Variants in GC observed in about 807,000 individuals in gnomAD.
GC encodes vitamin D-binding protein.
In GC, 43 loss-of-function variants were observed where a neutral mutation model predicts 56.7. The ratio of observed to expected loss-of-function variants is 0.76; its 90% CI spans 0.59 to 0.98. The LOEUF (loss-of-function observed/expected upper bound fraction) is 0.98. GC is among the 50% of genes least tolerant of loss of function. The pLI, the probability that GC is intolerant of heterozygous loss-of-function variation, is 0.00. For synonymous variants in GC, 216 were observed against 202.7 expected (o/e 1.07, Z -0.56); for missense variants, 529 against 545.9 (o/e 0.97, Z 0.31).
At chr4:71,791,877 C>G (rs1315771933) in intron 1 of GC, among the ~76,000 whole-genome samples, 4 of 152,160 alleles carry the variant, frequency 2.6e-5, no homozygotes, top group African/African-American at 9.7e-5. Flanking sequence ...CAAGTGTTCT[C>G]ATTGTTCAAT....
At position 71,755,030 on chromosome 4, in the gene GC, C is replaced by CT; in HGVS notation, c.1111dup (p.Ser371LysfsTer4). On this transcript the variant is annotated frameshift_variant, in exon 9 of 13. Transcript: ENST00000273951. LOFTEE classifies it high-confidence loss of function. ...TTCAACATCACAGCATTCACCAAGG[C>CT]TTTTTAGGGTTGGCTCAAGTACCTT... is the stretch of plus-strand genomic sequence containing the variant. The CT allele has an allele frequency of 6.2e-7, 1 of 1,600,866 alleles. No individual in the cohort carries two copies.
chr4:71,779,026 A>G (rs947886608), intron 1 of GC, among the ~76,000 whole-genome samples: 1 of 151,440 alleles, frequency 6.6e-6, no homozygotes, highest in Non-Finnish European at 1.5e-5. Flanking sequence ...CACATCAGCT[A>G]TCTCCTGGGA....
chr4:71,747,142 T>C (rs1471950269), intron 11 of GC, among the ~76,000 whole-genome samples: 1 of 152,154 alleles, frequency 6.6e-6, no homozygotes, highest in East Asian at 1.9e-4. Context: ...GATGATAATA[T>C]TCATAAACTC....
Position 71,803,313 on chromosome 4 carries a change from G to A in GC, c.21+613C>T, listed in dbSNP as rs147102328. On this transcript the variant is annotated intron_variant, in intron 1 of 13. Coordinates refer to the GC transcript ENST00000504199. ...GTTGTTTTCTAGTAACAGAAAAATTGTTTTTATTCTTATTCTATTTCTAAT... is the reference window on the plus strand; with the variant it reads ...GTTGTTTTCTAGTAACAGAAAAATTATTTTTATTCTTATTCTATTTCTAAT... 3.7e-3 allele frequency among the ~76,000 whole-genome samples: 565 copies of A among 152,120 alleles called. 2 individuals carry two copies. The highest frequency in any genetic ancestry group is 0.013 in the African/African-American group (527 of 41,552).
At chr4:71,795,987 C>A (rs1393228560) in intron 1 of GC, among the ~76,000 whole-genome samples, 1 of 152,204 alleles carries the variant, frequency 6.6e-6, no homozygotes, top group Admixed American at 6.5e-5. Flanking sequence ...TATTGGCCCC[C>A]ACTCTTTTCT....
At position 71,760,055 on chromosome 4, in the gene GC, T is replaced by G. The variant is rs565277381; in HGVS notation, c.702-1884A>C. Reference sequence around the variant, plus strand: ...TAAAGAAACTAGTTTTTTTTTTTTTTTTTTTGAGACGGAGTCTCGCTCTGT... The same window carrying G: ...TAAAGAAACTAGTTTTTTTTTTTTTGTTTTTGAGACGGAGTCTCGCTCTGT... On this transcript the variant is annotated intron_variant, in intron 6 of 12. Transcript: ENST00000273951. 3.1e-3 allele frequency among the ~76,000 whole-genome samples: 466 copies of G among 150,824 alleles called. 17 individuals carry two copies. The East Asian group carries it at 0.086, about 28-fold the overall frequency.
At chr4:71,742,643 C>T (rs1741219541) in intron 12 of GC, among the ~76,000 whole-genome samples, 1 of 152,118 alleles carries the variant, frequency 6.6e-6, no homozygotes, top group Non-Finnish European at 1.5e-5. Flanking sequence ...GCTTCCAAAG[C>T]TAACAATAAA....
At chr4:71,744,887 T>G (rs969127631) in intron 12 of GC, among the ~76,000 whole-genome samples, 1 of 152,182 alleles carries the variant, frequency 6.6e-6, no homozygotes, top group Non-Finnish European at 1.5e-5. Context: ...CTCTAGAATA[T>G]TTACACTTCA....
intron 1 of GC, among the ~76,000 whole-genome samples, chr4:71,802,704 A>C (rs1743280238): frequency 6.6e-6 from 1 of 152,202 alleles, no homozygotes; most frequent in African/African-American, 2.4e-5. Context: ...TGTGCCATTA[A>C]GTCATTCTTT....
chr4:71,747,094 A>G (rs1339481571), intron 11 of GC, among the ~76,000 whole-genome samples: 1 of 152,202 alleles, frequency 6.6e-6, no homozygotes, highest in Non-Finnish European at 1.5e-5. Flanking sequence ...AGAAATAAAA[A>G]GAGTCACTAA....
In GC at chr4:71,769,591, C is replaced by T. The variant is rs41265649; in HGVS notation, c.59-191G>A. 309 of 533,496 alleles carry T rather than the reference C, an allele frequency of 5.8e-4. 1 individual carries two copies. Among genetic ancestry groups the T allele is most frequent in the Non-Finnish European group, 9.3e-4 (274 of 296,138 alleles). The allele number at this position is 533,496 out of a possible 1,614,324, so 33.0% of individuals were successfully genotyped here. On this transcript the variant is annotated intron_variant, in intron 1 of 12. Transcript: ENST00000273951. ...TAACAGGCCACAATTTTATGACATT[C>T]TGTTATATTTTAGTCACCAGCAGAA... is the stretch of plus-strand genomic sequence containing the variant.
At chr4:71,765,687 TC>T in intron 3 of GC, 44 bp from the exon 4 acceptor site, 1 of 1,233,876 alleles carries the variant, frequency 8.1e-7, no homozygotes, top group Non-Finnish European at 1.2e-6. Context: ...TATGTAAATT[TC>T]CAGGCTTTTA....
chr4:71,799,813 A>T (rs1030535185), intron 1 of GC, among the ~76,000 whole-genome samples: 20 of 152,304 alleles, frequency 1.3e-4, no homozygotes, highest in African/African-American at 4.6e-4. Context: ...AGGGAGGTTG[A>T]TAGATTCATT....
chr4:71,763,614 A>T, intron 5 of GC, 112 bp from the exon 6 acceptor site: 1 of 764,722 alleles, frequency 1.3e-6, no homozygotes, highest in East Asian at 2.5e-5. Context: ...TAGGAAACTG[A>T]ACACTGGTGA....
chr4:71,759,940 AACT>A (rs1741907682), intron 6 of GC, among the ~76,000 whole-genome samples: 1 of 152,318 alleles, frequency 6.6e-6, no homozygotes, highest in African/African-American at 2.4e-5. Flanking sequence ...CTGCCTGTCA[AACT>A]ACTATCTCTA....
At chr4:71,777,350 C>T (rs897710466) in intron 1 of GC, among the ~76,000 whole-genome samples, 2 of 151,580 alleles carry the variant, frequency 1.3e-5, no homozygotes, top group Non-Finnish European at 2.9e-5. Context: ...TTTTATAGCA[C>T]TTCATTTGTC....
intron 11 of GC, 53 bp from the exon 12 acceptor site, chr4:71,746,258 C>A (rs1741360247): frequency 4.9e-6 from 4 of 824,504 alleles, no homozygotes; most frequent in Non-Finnish European, 8.1e-6. Flanking sequence ...CATTTGTAGG[C>A]TACTAGATCA....
At chr4:71,756,682 G>A (rs2149296841) in intron 8 of GC, 30 bp downstream of exon 8, 2 of 1,508,120 alleles carry the variant, frequency 1.3e-6, no homozygotes, top group Non-Finnish European at 1.8e-6. Flanking sequence ...ACTTAAAATG[G>A]GAAAACGTTT....
chr4:71,760,483 A>G (rs902288313), intron 6 of GC, among the ~76,000 whole-genome samples: 1 of 152,150 alleles, frequency 6.6e-6, no homozygotes, highest in Non-Finnish European at 1.5e-5. Flanking sequence ...GTATGGAGGG[A>G]AAAAAAGTTG....
Sources: allele counts gnomAD v4.1 joint callset (sites outside exome capture counted in the v4.1 genomes callset), GRCh38; gene constraint gnomAD v4.1.1; transcripts MANE v1.5; gene names NCBI Gene and HGNC (gene_info 2026-07-23, HGNC 2026-07-21).